The following PTPN21 variants were observed in gnomAD, a reference collection of about 807,000 sequenced individuals.
The protein encoded by PTPN21 is tyrosine-protein phosphatase non-receptor type 21.
A neutral mutation model predicts 131.8 loss-of-function variants in PTPN21; 77 were observed. The observed-to-expected ratio is 0.58, with a 90% confidence interval of 0.49 to 0.71. The LOEUF (loss-of-function observed/expected upper bound fraction) is 0.71, where lower values mean the gene tolerates loss of function less well. Among genes scored for constraint, PTPN21 ranks in the 30% least tolerant of loss-of-function variants. The pLI is 0.00. For synonymous variants in PTPN21, 715 were observed against 621.3 expected (o/e 1.15, Z -2.24); for missense variants, 1,552 against 1,527.1 (o/e 1.02, Z -0.27).
At chr14:88,516,946 A>G (rs2078280133) in intron 3 of PTPN21, 146 bp downstream of exon 3, 3 of 848,160 alleles carry the variant, frequency 3.5e-6, no homozygotes, top group Middle Eastern at 2.9e-4. Flanking sequence ...GACATGCCAC[A>G]TATGAGAATC....
intron 4 of PTPN21, among the ~76,000 whole-genome samples, chr14:88,507,555 C>T (rs910915272): frequency 3.9e-5 from 6 of 152,082 alleles, no homozygotes; most frequent in East Asian, 1.9e-4. Context: ...AGAAAAGGTA[C>T]GCTAAAAATA....
Position 88,469,010 on chromosome 14 carries a change from T to C in PTPN21, c.3302A>G (p.Asn1101Ser), listed in dbSNP as rs139106438. The C allele has an allele frequency of 2.5e-5, 41 of 1,613,970 alleles. No individual in the cohort carries two copies. In the African/African-American group the frequency reaches 4.4e-4, roughly 17 times the overall value. Residue 1101 changes from asparagine (N) to serine (S), a missense_variant, in exon 18 of 19, where the codon AAC becomes AGC. Asn to Ser is a conservative substitution (Grantham distance 46, BLOSUM62 1). This residue lies in a region of PTPN21 where 316 missense variants were observed against 378.5 expected (regional missense o/e 0.83). Coordinates refer to ENST00000556564, the MANE Select transcript of PTPN21 (RefSeq NM_007039.4). This position sits in a 1 kb window ranked among gnomAD's most constrained non-coding sequence, Gnocchi z 4.3. ...ACTGCAGTGGACCAACAACGGAGGG[T>C]TGGGGCTTTGGGGATCACTTGTGCT... is the stretch of plus-strand genomic sequence containing the variant. Reference protein sequence around the residue: ...TNSTSDPQSPNPPLLVHCSAG... With the variant: ...TNSTSDPQSPSPPLLVHCSAG...
At chr14:88,518,255 A>AAAAATATATATAT (rs1566839513) in intron 2 of PTPN21, among the ~76,000 whole-genome samples, 1 of 18,670 alleles carries the variant, frequency 5.4e-5, no homozygotes, top group African/African-American at 2.2e-4. Flanking sequence ...AAAAAAAAAA[A>AAAAATATATATAT]ATATATATAT....
intron 10 of PTPN21, among the ~76,000 whole-genome samples, chr14:88,486,933 G>C (rs1332200719): frequency 1.4e-5 from 2 of 144,478 alleles, no homozygotes; most frequent in African/African-American, 2.6e-5. Flanking sequence ...CCGAGATTGC[G>C]CCATTGCACT....
intron 3 of PTPN21, among the ~76,000 whole-genome samples, chr14:88,513,155 T>C (rs566189680): frequency 6.6e-6 from 1 of 152,032 alleles, no homozygotes; most frequent in Non-Finnish European, 1.5e-5. Flanking sequence ...ATCCATGCAG[T>C]TGTATTCTTT....
At chr14:88,493,486 G>C (rs1452867526) in intron 10 of PTPN21, among the ~76,000 whole-genome samples, 2 of 152,236 alleles carry the variant, frequency 1.3e-5, no homozygotes, top group African/African-American at 4.8e-5. Context: ...GGCTGGGGCA[G>C]CTAAGTCCAG....
chr14:88,550,699 G>A (rs2078852991), intron 1 of PTPN21, 80 bp from the exon 2 acceptor site: 3 of 304,998 alleles, frequency 9.8e-6, no homozygotes, highest in Non-Finnish European at 1.8e-5. Context: ...GTCAAGCTGT[G>A]GCCAAAGAAC....
In PTPN21 at chr14:88,518,382, G is replaced by A. The variant is rs1486616480; in HGVS notation, c.181-1121C>T. 6.3e-3 allele frequency among the ~76,000 whole-genome samples: 77 copies of A among 12,246 alleles called. 1 individual carries two copies. The highest frequency in any genetic ancestry group is 0.019 in the African/African-American group (73 of 3,838). The allele number at this position is 12,246 out of a possible 152,430, so 8.0% of individuals were successfully genotyped here. A position where few individuals can be genotyped will look rare whatever the true frequency, so the allele number is the denominator to read the frequency against. On this transcript the variant is annotated intron_variant, in intron 2 of 18. Coordinates refer to ENST00000556564, the MANE Select transcript of PTPN21 (RefSeq NM_007039.4). ...CATACACGTGTGTGTGTATGTGTGT[G>A]TGTGTATATATATATATATATATAT...
chr14:88,491,776 A>C (rs1187769921), intron 10 of PTPN21, among the ~76,000 whole-genome samples: 2 of 152,214 alleles, frequency 1.3e-5, no homozygotes, highest in African/African-American at 4.8e-5. Flanking sequence ...TCTATTGGAT[A>C]TATAGAGATT....
At chr14:88,495,774 T>A (rs2077904327) in intron 10 of PTPN21, among the ~76,000 whole-genome samples, 1 of 152,086 alleles carries the variant, frequency 6.6e-6, no homozygotes, top group Non-Finnish European at 1.5e-5. Flanking sequence ...TGTCGGAGGA[T>A]CAGTACTGCG....
At chr14:88,500,526 G>A (rs900900516) in intron 8 of PTPN21, among the ~76,000 whole-genome samples, 2 of 152,252 alleles carry the variant, frequency 1.3e-5, no homozygotes, top group East Asian at 3.9e-4. Context: ...GGCACAAAAA[G>A]GGTCACACAT....
At chr14:88,481,630 A>G (rs866225314) in intron 12 of PTPN21, among the ~76,000 whole-genome samples, 8 of 152,160 alleles carry the variant, frequency 5.3e-5, no homozygotes, top group South Asian at 2.1e-4. Flanking sequence ...AGGAAGGGAG[A>G]AGAGATGAAG....
chr14:88,500,926 C>G (rs1257014669), intron 7 of PTPN21, 55 bp from the exon 8 acceptor site: 1 of 1,259,754 alleles, frequency 7.9e-7, no homozygotes, highest in Non-Finnish European at 1.2e-6. Flanking sequence ...AGAGGAACTG[C>G]TGCTAGAGTT....
chr14:88,471,564 T>C (rs901271033), intron 15 of PTPN21, among the ~76,000 whole-genome samples: 1 of 148,496 alleles, frequency 6.7e-6, no homozygotes, highest in Non-Finnish European at 1.5e-5. Context: ...TTTAATGGCA[T>C]TATACTGGTT....
At chr14:88,489,182 GAGTGACTAACA>G (rs1440072796) in intron 10 of PTPN21, among the ~76,000 whole-genome samples, 2 of 152,178 alleles carry the variant, frequency 1.3e-5, no homozygotes, top group African/African-American at 4.8e-5. Flanking sequence ...CTGAGCAAAT[GAGTGACTAACA>G]AGTGAGGACT....
chr14:88,513,201 G>A (rs889875771), intron 3 of PTPN21, among the ~76,000 whole-genome samples: 5 of 152,002 alleles, frequency 3.3e-5, no homozygotes, highest in African/African-American at 7.3e-5. Context: ...GGCTCTCACC[G>A]TCGCCCAGGC....
chr14:88,473,897 G>A (rs1181369132), intron 13 of PTPN21, 95 bp from the exon 14 acceptor site: 7 of 1,107,576 alleles, frequency 6.3e-6, no homozygotes, highest in African/African-American at 3.2e-5. Context: ...ACACACAGAG[G>A]GAGTGTTCTC....
chr14:88,476,244 G>C (rs1161859183), intron 13 of PTPN21, among the ~76,000 whole-genome samples: 1 of 152,118 alleles, frequency 6.6e-6, no homozygotes, highest in Non-Finnish European at 1.5e-5. Flanking sequence ...TACTATGAAA[G>C]GTCAGAGGGT....
intron 1 of PTPN21, among the ~76,000 whole-genome samples, chr14:88,554,204 T>C (rs532381122): frequency 2.6e-5 from 4 of 152,110 alleles, no homozygotes; most frequent in Non-Finnish European, 4.4e-5. Flanking sequence ...TTTGCAGAAA[T>C]CACAAGTCGG....
Sources: gnomAD v4.1 joint callset for allele counts (sites outside exome capture counted in the v4.1 genomes callset) on GRCh38, gnomAD v4.1.1 for gene constraint, gnomAD v4.1.1 regional missense constraint, Gnocchi (gnomAD v3.1) non-coding constraint, MANE v1.5 for transcripts, NCBI Gene and HGNC (gene_info 2026-07-23, HGNC 2026-07-21) for gene names.